RPS9: variants seen among roughly 807,000 people sequenced by gnomAD.
The protein encoded by RPS9 is small ribosomal subunit protein uS4.
Under a neutral mutation model 16.9 loss-of-function variants are expected in RPS9, and 1 was observed. The ratio of observed to expected loss-of-function variants is 0.06; its 90% confidence interval spans 0.02 to 0.28. The LOEUF is 0.28. RPS9 is among the 10% of genes least tolerant of loss of function. The pLI is 1.00. For synonymous variants in RPS9, 106 were observed against 110.9 expected (o/e 0.96, Z 0.28); for missense variants, 137 against 273.2 (o/e 0.50, Z 3.51).
intron 3 of RPS9, among the ~76,000 whole-genome samples, chr19:54,204,820 T>C (rs2077186199): frequency 7.0e-6 from 1 of 142,552 alleles, no homozygotes; most frequent in Admixed American, 7.3e-5. Context: ...TGTTTTTGTA[T>C]TTTGATATTC....
At chr19:54,207,310 G>C (rs73615921) in intron 4 of RPS9, 88 bp from the exon 5 acceptor site, 22,944 of 1,188,838 alleles carry the variant, frequency 0.019, 568 homozygotes, top group African/African-American at 0.11. Flanking sequence ...GCGGCCTCAC[G>C]GGGTGGGTGG....
intron 1 of RPS9, 22 bp from the exon 2 acceptor site, chr19:54,201,138 C>T (rs764580453): frequency 4.3e-6 from 7 of 1,612,090 alleles, no homozygotes; most frequent in Non-Finnish European, 5.1e-6. Context: ...ATCCCTTACG[C>T]TCACACTTCT....
At chr19:54,201,028 A>G (rs934511944) in intron 1 of RPS9, 132 bp from the exon 2 acceptor site, 30 of 1,465,890 alleles carry the variant, frequency 2.0e-5, no homozygotes, top group Middle Eastern at 5.0e-4. Flanking sequence ...TTGTGGGGGC[A>G]GATACTGACT....
At chr19:54,201,075 C>T (rs1207565674) in intron 1 of RPS9, 85 bp from the exon 2 acceptor site, 4 of 1,553,880 alleles carry the variant, frequency 2.6e-6, no homozygotes, top group Admixed American at 3.9e-5. Flanking sequence ...GAGATCGGAT[C>T]TGGGCTCCGC....
chr19:54,207,114 C>G (rs753905141), intron 4 of RPS9: 57 of 482,280 alleles, frequency 1.2e-4, no homozygotes, highest in Non-Finnish European at 1.9e-4. Context: ...AACTTGGGGG[C>G]TCTCACATGG....
At position 54,201,062 on chromosome 19, in the gene RPS9, C is replaced by G. The variant is rs1341192082; in HGVS notation, c.-25-98C>G. Reference sequence around the variant, plus strand: ...CTATGAGAGCGTTGGAGGTTATTCTCGCGAGATCGGATCTGGGCTCCGCGA... The same window carrying G: ...CTATGAGAGCGTTGGAGGTTATTCTGGCGAGATCGGATCTGGGCTCCGCGA... On this transcript the variant is annotated intron_variant, in intron 1 of 4. Transcript: ENST00000302907. The G allele has an allele frequency of 2.0e-6, 3 of 1,511,908 alleles. No individual in the cohort carries two copies. The South Asian group carries it at 3.8e-5, about 19-fold the overall frequency. 93.7% of individuals were successfully genotyped at this position (1,511,908 alleles called of 1,614,324 possible).
Position 54,201,153 on chromosome 19 carries a change from C to T in RPS9, c.-25-7C>T, listed in dbSNP as rs1169978400. ...ATCCCTTACGCTCACACTTCTCTCC[C>T]GCGCAGGCGCAGACGGGGAAGCGGA... On this transcript the variant is annotated splice_region_variant and splice_polypyrimidine_tract_variant and intron_variant, in intron 1 of 4. Transcript: ENST00000302907. 2 of 1,612,640 alleles carry T rather than the reference C, an allele frequency of 1.2e-6. No individual in the cohort carries two copies. Among genetic ancestry groups the T allele is most frequent in the Non-Finnish European group, 8.5e-7 (1 of 1,179,826 alleles).
intron 3 of RPS9, chr19:54,203,395 G>C: frequency 1.4e-6 from 1 of 733,074 alleles, no homozygotes; most frequent in Non-Finnish European, 1.7e-6. Flanking sequence ...TTCCCACTAA[G>C]ATGTGTGACT....
At chr19:54,207,374 A>T (rs747656288) in intron 4 of RPS9, 24 bp from the exon 5 acceptor site, 1 of 1,592,646 alleles carries the variant, frequency 6.3e-7, no homozygotes, top group South Asian at 1.1e-5. Context: ...CCTCCAGTCC[A>T]CCTCACCTTG....
intron 3 of RPS9, chr19:54,202,761 A>C: frequency 2.0e-6 from 2 of 985,410 alleles, no homozygotes. Flanking sequence ...CTGAGCCCTG[A>C]CTGTTAGGCA....
chr19:54,200,867 A>C lies in RPS9; in HGVS notation c.-47A>C. The C allele has an allele frequency of 4.5e-6, 5 of 1,121,978 alleles. No individual in the cohort carries two copies. The highest frequency in any genetic ancestry group is 5.5e-6 in the Non-Finnish European group (5 of 913,808). 69.5% of individuals were successfully genotyped at this position (1,121,978 alleles called of 1,614,324 possible). A position where few individuals can be genotyped will look rare whatever the true frequency, so the allele number is the denominator to read the frequency against. On this transcript the variant is annotated 5_prime_UTR_variant, in exon 1 of 5. Transcript: ENST00000302907. The stretch of plus-strand genomic sequence containing the variant: ...CGTGGCGCTTCCGCGCCTCTTTCTC[A>C]GTGACCGGGTGGTTTGCTTAGGTGA...
At position 54,207,538 on chromosome 19, in the gene RPS9, G is replaced by A. The variant is rs916771810; in HGVS notation, c.548G>A (p.Gly183Asp). 3 of 1,612,444 alleles carry A rather than the reference G, an allele frequency of 1.9e-6. No individual in the cohort carries two copies. The highest frequency in any genetic ancestry group is 2.5e-6 in the Non-Finnish European group (3 of 1,179,946). Reference sequence around the variant, plus strand: ...AGGAAGAATGCCAAGAAGGGCCAGGGTGGGGCTGGGGCTGGAGACGACGAG... The same window carrying A: ...AGGAAGAATGCCAAGAAGGGCCAGGATGGGGCTGGGGCTGGAGACGACGAG... ...VKRKNAKKGQ[G>D]GAGAGDDEEE... The change falls in exon 5 of 5, where the codon GGT (glycine) becomes GAT (aspartate). Residue 183 changes from glycine to aspartate, a missense_variant. By Grantham distance (94) the Gly-to-Asp change is moderately conservative. This residue lies in a region of RPS9 where 19 missense variants were observed against 18.2 expected (regional missense o/e 1.04). Transcript: ENST00000302907.
intron 3 of RPS9, among the ~76,000 whole-genome samples, chr19:54,204,595 G>T (rs116040491): frequency 0.019 from 2,831 of 152,050 alleles, 54 homozygotes; most frequent in African/African-American, 0.05. Context: ...GTTTGTTTTG[G>T]TACAAATGCG....
Position 54,200,887 on chromosome 19 carries a change from AGGTGAGGTGCGGT to A in RPS9, c.-26+4_-26+16del. The A allele has an allele frequency of 1.2e-6, 1 of 843,878 alleles. No individual in the cohort carries two copies. Among genetic ancestry groups the A allele is most frequent in the Non-Finnish European group, 1.6e-6 (1 of 638,952 alleles). 52.3% of individuals were successfully genotyped at this position (843,878 alleles called of 1,614,324 possible). ...TTCTCAGTGACCGGGTGGTTTGCTT[AGGTGAGGTGCGGT>A]GGTGTGCTTTTTCTCTAGGGTTTGG... On this transcript the variant is annotated splice_donor_variant and splice_donor_5th_base_variant and 5_prime_UTR_variant and intron_variant, in exon 1 of 5. Coordinates refer to ENST00000302907, the MANE Select transcript of RPS9 (RefSeq NM_001013.4). LOFTEE classifies it low-confidence loss of function (5UTR_SPLICE).
chr19:54,204,470 C>T (rs1396071937), intron 3 of RPS9, among the ~76,000 whole-genome samples: 2 of 152,156 alleles, frequency 1.3e-5, no homozygotes, highest in South Asian at 2.1e-4. Context: ...GTGGCATGGT[C>T]GTGGCTCACT....
At position 54,203,259 on chromosome 19, in the gene RPS9, G is replaced by A. The variant is rs939273163; in HGVS notation, c.220+1650G>A. On this transcript the variant is annotated intron_variant, in intron 3 of 4. Transcript: ENST00000302907. ...AAGGCAGAAGTGAAAATTCCCAAGG[G>A]GTACACAGTTGTTCAGGTGAGTACA... is the stretch of plus-strand genomic sequence containing the variant. 13 of 984,976 alleles carry A rather than the reference G, an allele frequency of 1.3e-5. No individual in the cohort carries two copies. The African/African-American group carries it at 2.3e-4, about 17-fold the overall frequency. The allele number at this position is 984,976 out of a possible 1,614,324, so 61.0% of individuals were successfully genotyped here. A position where few individuals can be genotyped will look rare whatever the true frequency, so the allele number is the denominator to read the frequency against.
Position 54,201,627 on chromosome 19 carries a change from C to T in RPS9, c.220+18C>T, listed in dbSNP as rs1199719283. 6 of 1,613,860 alleles carry T rather than the reference C, an allele frequency of 3.7e-6. No individual in the cohort carries two copies. Among genetic ancestry groups the T allele is most frequent in the African/African-American group, 1.3e-5 (1 of 74,908 alleles). On this transcript the variant is annotated intron_variant, in intron 3 of 4. Coordinates refer to ENST00000302907, the MANE Select transcript of RPS9 (RefSeq NM_001013.4). ...GTTCGAAGGTGCGTATGGGAGTCCA[C>T]AGCAGAGGGATGGGGTGCAGGGCTT...
In RPS9 at chr19:54,207,494, C is replaced by T. The variant is rs1347364216; in HGVS notation, c.504C>T (p.Gly168=). 2.5e-6 allele frequency: 4 copies of T among 1,613,060 alleles called. No homozygotes were observed. The highest frequency in any genetic ancestry group is 2.7e-5 in the African/African-American group (2 of 74,886). ...DFSLRSPYGG[G]RPGRVKRKNA... ...CTCTGCGCTCTCCCTACGGGGGTGG[C>T]CGCCCGGGCCGCGTGAAGAGGAAGA... Residue 168 remains glycine (G), a synonymous_variant, in exon 5 of 5, where the codon GGC becomes GGT. Coordinates refer to ENST00000302907, the MANE Select transcript of RPS9 (RefSeq NM_001013.4).
intron 3 of RPS9, chr19:54,203,491 G>A (rs34587409): frequency 0.31 from 53,939 of 173,784 alleles, 9,874 homozygotes; most frequent in East Asian, 0.43. Flanking sequence ...GAGGCCAGGC[G>A]TGGTGGCTCA....
Sources: allele counts gnomAD v4.1 joint callset (sites outside exome capture counted in the v4.1 genomes callset), GRCh38; gene constraint gnomAD v4.1.1; regional missense constraint gnomAD v4.1.1; transcripts MANE v1.5; gene names NCBI Gene and HGNC (gene_info 2026-07-23, HGNC 2026-07-21).